Variants in SYNE2 observed in about 807,000 individuals in gnomAD.
The protein encoded by SYNE2 is nesprin-2.
SYNE2 carries 431 observed loss-of-function variants against 856.3 expected under a neutral mutation model. That is an observed-to-expected ratio of 0.50 (90% CI 0.47 to 0.55). SYNE2 has a LOEUF of 0.55. Ranked by LOEUF, SYNE2 falls within the 20% of genes least tolerant of loss-of-function variation. The probability of loss-of-function intolerance (pLI) is 0.00; values close to 1 mark genes in which losing one functional copy is unlikely to be tolerated. For synonymous variants in SYNE2, 2,923 were observed against 2,872.3 expected, an observed-to-expected ratio of 1.02 and a Z score of -0.56; for missense variants, 8,129 against 8,023.2, an observed-to-expected ratio of 1.01 and a Z score of -0.50.
chr14:64,122,551 A>G (rs2097905877), intron 70 of SYNE2, 124 bp downstream of exon 70: 4 of 1,309,680 alleles, frequency 3.1e-6, no homozygotes, highest in Non-Finnish European at 4.3e-6. Context: ...TACTTGGCTG[A>G]TACATTTTCT....
At chr14:63,905,359 T>G (rs1396641706) in intron 1 of SYNE2, among the ~76,000 whole-genome samples, 1 of 152,160 alleles carries the variant, frequency 6.6e-6, no homozygotes, top group African/African-American at 2.4e-5. Context: ...GTTCATAGTT[T>G]GATAGCAATG....
At chr14:63,890,125 A>G (rs560412032) in intron 1 of SYNE2, among the ~76,000 whole-genome samples, 1 of 135,106 alleles carries the variant, frequency 7.4e-6, no homozygotes, top group Admixed American at 8.4e-5. Context: ...CAGTGGTGTG[A>G]TCTTGGCTTA....
In SYNE2 at chr14:63,861,085, A is replaced by T. The variant is rs143561850; in HGVS notation, c.-52+7942A>T. ...CATAGAGGATTAGACAATCTTTGAG[A>T]TTTTTTCCAGCTCTTCAAGTCTATG... On this transcript the variant is annotated intron_variant, in intron 1 of 115. Coordinates refer to ENST00000555002, the MANE Select transcript of SYNE2 (RefSeq NM_182914.3). 8.6e-3 allele frequency among the ~76,000 whole-genome samples: 1,298 copies of T among 150,476 alleles called. 16 individuals carry two copies. The highest frequency in any genetic ancestry group is 0.03 in the African/African-American group (1,228 of 40,812).
chr14:64,141,211 T>A, intron 80 of SYNE2, 130 bp from the exon 81 acceptor site: 1 of 446,304 alleles, frequency 2.2e-6, no homozygotes, highest in Non-Finnish European at 3.8e-6. Flanking sequence ...GAAAAAGGGG[T>A]GTGTGTGTGT....
rs557918333 is a variant in SYNE2, at chr14:63,941,556, A to G, written c.142-139A>G. 24 of 707,210 alleles carry G rather than the reference A, an allele frequency of 3.4e-5. No individual in the cohort carries two copies. In the East Asian group the frequency reaches 5.8e-4, roughly 17 times the overall value. The allele number at this position is 707,210 out of a possible 1,614,324, so 43.8% of individuals were successfully genotyped here. On this transcript the variant is annotated intron_variant, in intron 3 of 115. Coordinates refer to ENST00000555002, the MANE Select transcript of SYNE2 (RefSeq NM_182914.3). ...CTTACGTTTTGATATGAATCTTTGC[A>G]TGTTCTCTCTCATTCTCTTAATTAA...
intron 32 of SYNE2, among the ~76,000 whole-genome samples, chr14:64,014,790 T>C (rs2096874991): frequency 6.6e-6 from 1 of 151,836 alleles, no homozygotes; most frequent in South Asian, 2.1e-4. Flanking sequence ...TTATATGCTT[T>C]TTCTGCATTA....
At chr14:63,944,908 A>G (rs1293234998) in intron 6 of SYNE2, among the ~76,000 whole-genome samples, 1 of 136,530 alleles carries the variant, frequency 7.3e-6, no homozygotes, top group African/African-American at 2.9e-5. Flanking sequence ...CCTGAATTCA[A>G]GTGATTCTCA....
intron 101 of SYNE2, chr14:64,209,224 T>G (rs2098627082): frequency 1.1e-6 from 1 of 943,646 alleles, no homozygotes; most frequent in Admixed American, 2.5e-5. Flanking sequence ...CTCCTGGTTT[T>G]TTAACCTCTG....
chr14:63,969,919 A>G (rs2357158), intron 11 of SYNE2, among the ~76,000 whole-genome samples: 30,734 of 152,000 alleles, frequency 0.2, 3,588 homozygotes, highest in African/African-American at 0.32. Context: ...AAACATTGTC[A>G]TTGTGTGTAC....
At chr14:63,991,827 G>A (rs1220049862) in intron 21 of SYNE2, among the ~76,000 whole-genome samples, 2 of 152,114 alleles carry the variant, frequency 1.3e-5, no homozygotes, top group Non-Finnish European at 2.9e-5. Flanking sequence ...CTTATAATGA[G>A]CTGGGCATTT....
At chr14:63,871,393 A>C (rs1288028181) in intron 1 of SYNE2, among the ~76,000 whole-genome samples, 1 of 151,932 alleles carries the variant, frequency 6.6e-6, no homozygotes, top group Admixed American at 6.6e-5. Flanking sequence ...TTTTTAGTAG[A>C]GACGGGGTTT....
chr14:64,108,178 C>G (rs554523428), intron 65 of SYNE2, among the ~76,000 whole-genome samples: 3 of 152,140 alleles, frequency 2.0e-5, no homozygotes, highest in South Asian at 2.1e-4. Flanking sequence ...CTGGTGAAAC[C>G]CCGTCTCTAC....
At chr14:63,780,309 A>G (rs757133734) in intron 1 of SYNE2, among the ~76,000 whole-genome samples, 104 of 152,034 alleles carry the variant, frequency 6.8e-4, no homozygotes, top group Admixed American at 1.8e-3. Flanking sequence ...CGAGGCGGGC[A>G]GACGATTTGA....
Position 64,003,269 on chromosome 14 carries a change from G to C in SYNE2, c.4336G>C (p.Val1446Leu). The C allele has an allele frequency of 6.2e-7, 1 of 1,614,034 alleles. No individual in the cohort carries two copies. The highest frequency in any genetic ancestry group is 8.5e-7 in the Non-Finnish European group (1 of 1,180,000). ...NNELLKNIQD[V>L]QSQISKIGLK... ...TGAACTCCTTAAAAATATTCAAGAT[G>C]TGCAGAGTCAAATCAGTAAAATTGG... The change falls in exon 30 of 116, where the codon GTG becomes CTG. Residue 1446 changes from valine to leucine, a missense_variant. By Grantham distance (32) the Val-to-Leu change is conservative. Transcript: ENST00000555002.
At chr14:63,977,768 A>G (rs760135353) in intron 12 of SYNE2, 137 bp from the exon 13 acceptor site, 2 of 684,432 alleles carry the variant, frequency 2.9e-6, no homozygotes, top group Non-Finnish European at 5.3e-6. Context: ...TCTTAAAACA[A>G]TAAAAAAAAG....
intron 66 of SYNE2, among the ~76,000 whole-genome samples, chr14:64,116,044 AT>A (rs1368978587): frequency 6.6e-6 from 1 of 152,124 alleles, no homozygotes; most frequent in Non-Finnish European, 1.5e-5. Flanking sequence ...GGTGGTGTGT[AT>A]CTGTAGTCCC....
intron 37 of SYNE2, among the ~76,000 whole-genome samples, chr14:64,022,459 G>A (rs1270398761): frequency 2.0e-5 from 3 of 151,852 alleles, no homozygotes; most frequent in African/African-American, 4.8e-5. Context: ...GAGGCCGGGC[G>A]CGGTAGCTCA....
rs192754257 is a variant in SYNE2 at position 63,988,457 on chromosome 14, A to G, written c.2313+1840A>G. Among the ~76,000 whole-genome samples the G allele has an allele frequency of 2.6e-5, 4 of 152,212 alleles. No homozygotes were observed. In the East Asian group the frequency reaches 7.7e-4, roughly 29 times the overall value. On this transcript the variant is annotated intron_variant, in intron 19 of 115. Coordinates refer to ENST00000555002, the MANE Select transcript of SYNE2 (RefSeq NM_182914.3). Reference sequence around the variant, plus strand: ...TTACATGAGCTTTTTTGTTGGTTTTATAATTTAAAAGAGGGAAAAACTGAA... The same window carrying G: ...TTACATGAGCTTTTTTGTTGGTTTTGTAATTTAAAAGAGGGAAAAACTGAA...
intron 1 of SYNE2, among the ~76,000 whole-genome samples, chr14:63,767,597 C>A (rs2139695950): frequency 6.6e-6 from 1 of 152,206 alleles, no homozygotes. Flanking sequence ...ACATGGCAGT[C>A]ACTTGAACCC....
Sources: gnomAD v4.1 joint callset for allele counts (sites outside exome capture counted in the v4.1 genomes callset) on GRCh38, gnomAD v4.1.1 for gene constraint, MANE v1.5 for transcripts, NCBI Gene and HGNC (gene_info 2026-07-23, HGNC 2026-07-21) for gene names.